RUNX2: variants seen among roughly 807,000 people sequenced by gnomAD.
RUNX2 encodes the protein RUNX family transcription factor 2, also known as runt-related transcription factor 2.
RUNX2 carries 10 observed loss-of-function variants against 51.7 expected under a neutral mutation model. The observed-to-expected ratio is 0.19, with a 90% CI of 0.12 to 0.33. The LOEUF (loss-of-function observed/expected upper bound fraction) is 0.33, where lower values mean the gene tolerates loss of function less well. Among genes scored for constraint, RUNX2 ranks in the 10% least tolerant of loss-of-function variants. The probability of loss-of-function intolerance (pLI) is 1.00; values close to 1 mark genes in which losing one functional copy is unlikely to be tolerated. For missense variants in RUNX2, 562 were observed against 691.3 expected (o/e 0.81, Z 2.10); for synonymous variants, 276 against 273.6 (o/e 1.01, Z -0.09).
In RUNX2 at chr6:45,491,019, A is replaced by G. The variant is rs1237619942; in HGVS notation, c.686-922A>G. On this transcript the variant is annotated intron_variant, in intron 5 of 8. Coordinates refer to ENST00000647337, the MANE Select transcript of RUNX2 (RefSeq NM_001024630.4). ...GTTATACTTGCACCAAGACACTAGT[A>G]TGTCTTTTGTTAAGAATGATTTGAT... Among the ~76,000 whole-genome samples the G allele has an allele frequency of 2.0e-5, 3 of 152,186 alleles. No homozygotes were observed. The East Asian group carries it at 5.8e-4, about 29-fold the overall frequency.
chr6:45,412,038 G>A (rs1317099493), intron 2 of RUNX2, among the ~76,000 whole-genome samples: 2 of 152,036 alleles, frequency 1.3e-5, no homozygotes, highest in Non-Finnish European at 2.9e-5. Flanking sequence ...TAAATGTTGA[G>A]GTAAAAATCC....
At chr6:45,387,110 G>T (rs921088343) in intron 2 of RUNX2, among the ~76,000 whole-genome samples, 1 of 152,136 alleles carries the variant, frequency 6.6e-6, no homozygotes, top group Non-Finnish European at 1.5e-5. Flanking sequence ...TTGGGTACTC[G>T]TAAGACATGA....
chr6:45,496,109 T>A (rs550386854), intron 6 of RUNX2, among the ~76,000 whole-genome samples: 1 of 152,256 alleles, frequency 6.6e-6, no homozygotes, highest in Non-Finnish European at 1.5e-5. Flanking sequence ...AATGTTCACT[T>A]CTTTTGATTC....
intron 5 of RUNX2, among the ~76,000 whole-genome samples, chr6:45,466,002 A>C (rs924323164): frequency 6.6e-6 from 1 of 152,066 alleles, no homozygotes; most frequent in African/African-American, 2.4e-5. Context: ...CAGTAGCTCT[A>C]ATCTTGAGAT....
chr6:45,382,557 G>A (rs1449642477), intron 2 of RUNX2, among the ~76,000 whole-genome samples: 1 of 152,202 alleles, frequency 6.6e-6, no homozygotes, highest in African/African-American at 2.4e-5. Context: ...AGAACAACTT[G>A]TGCAAACCGT....
chr6:45,444,725 T>C (rs1798942818), intron 5 of RUNX2, among the ~76,000 whole-genome samples: 1 of 152,232 alleles, frequency 6.6e-6, no homozygotes. Context: ...CATGTCCAAT[T>C]GCAGAAGTTT....
intron 2 of RUNX2, among the ~76,000 whole-genome samples, chr6:45,376,476 CTT>C (rs1169026439): frequency 6.6e-6 from 1 of 152,182 alleles, no homozygotes; most frequent in African/African-American, 2.4e-5. Flanking sequence ...CTCAGTGACA[CTT>C]ATCACATTTC....
intron 2 of RUNX2, among the ~76,000 whole-genome samples, chr6:45,332,016 A>G (rs1787616042): frequency 6.6e-6 from 1 of 151,922 alleles, no homozygotes; most frequent in African/African-American, 2.4e-5. Flanking sequence ...TATCAAACAC[A>G]CAGAATTAAT....
In RUNX2 at chr6:45,409,858, T is replaced by C. The variant is rs537017740; in HGVS notation, c.59-12735T>C. On this transcript the variant is annotated intron_variant, in intron 2 of 8. Coordinates refer to ENST00000647337, the MANE Select transcript of RUNX2 (RefSeq NM_001024630.4). ...AAAAGATGACTAAGACTAATCCCTGTTCTCAAGGAACTTACACTCTATATG... is the reference window on the plus strand; with the variant it reads ...AAAAGATGACTAAGACTAATCCCTGCTCTCAAGGAACTTACACTCTATATG... 7.9e-5 allele frequency among the ~76,000 whole-genome samples: 12 copies of C among 152,332 alleles called. No individual in the cohort carries two copies. In the South Asian group the frequency reaches 2.1e-3, roughly 26 times the overall value.
chr6:45,422,624 C>A lies in RUNX2; in HGVS notation c.90C>A (p.Pro30=), dbSNP rs930435617. The change falls in exon 3 of 9, where the codon CCC becomes CCA. Residue 30 remains proline (P), a synonymous_variant. Transcript: ENST00000647337. Reference sequence around the variant, plus strand: ...GCACCAGCCGGCGCTTCAGCCCCCCCTCCAGCAGCCTGCAGCCCGGCAAAA... The same window carrying A: ...GCACCAGCCGGCGCTTCAGCCCCCCATCCAGCAGCCTGCAGCCCGGCAAAA... ...DPSTSRRFSP[P]SSSLQPGKMS... is the part of the protein sequence containing the mutation. The A allele has an allele frequency of 3.1e-6, 5 of 1,606,980 alleles. No homozygotes were observed. In the African/African-American group the frequency reaches 4.0e-5, roughly 13 times the overall value.
chr6:45,533,304 T>C (rs1415218631), intron 7 of RUNX2, among the ~76,000 whole-genome samples: 1 of 152,238 alleles, frequency 6.6e-6, no homozygotes. Flanking sequence ...GCCAAATGCT[T>C]AACAATCTGT....
In RUNX2 at chr6:45,334,284, T is replaced by C. The variant is rs370149917; in HGVS notation, c.58+5500T>C. 5.3e-5 allele frequency among the ~76,000 whole-genome samples: 8 copies of C among 151,236 alleles called. No individual in the cohort carries two copies. The South Asian group carries it at 1.2e-3, about 24-fold the overall frequency. On this transcript the variant is annotated intron_variant, in intron 2 of 8. Transcript: ENST00000647337. Reference sequence around the variant, plus strand: ...AATGATGTCTACCAGAATCATTATATACCATCAACTATAAACATATATTTA... The same window carrying C: ...AATGATGTCTACCAGAATCATTATACACCATCAACTATAAACATATATTTA...
intron 2 of RUNX2, among the ~76,000 whole-genome samples, chr6:45,400,217 GGGAAGGAA>G (rs144270047): frequency 1.4e-5 from 2 of 145,880 alleles, no homozygotes; most frequent in East Asian, 2.1e-4. Flanking sequence ...GAGGGAATGA[GGGAAGGAA>G]GGAAGGAAGG....
At chr6:45,422,293 G>T (rs931658213) in intron 2 of RUNX2, 134 of 336,216 alleles carry the variant, frequency 4.0e-4, no homozygotes, top group African/African-American at 2.2e-3. Flanking sequence ...CCCCGCGCCC[G>T]TTCGCAGCTG....
chr6:45,338,446 T>G (rs1789069946), intron 2 of RUNX2, among the ~76,000 whole-genome samples: 1 of 152,050 alleles, frequency 6.6e-6, no homozygotes, highest in African/African-American at 2.4e-5. Flanking sequence ...TGATCACATA[T>G]AAGCTTATAT....
chr6:45,344,334 C>T (rs529107476), intron 2 of RUNX2, among the ~76,000 whole-genome samples: 27 of 152,266 alleles, frequency 1.8e-4, no homozygotes, highest in Middle Eastern at 6.8e-3. Flanking sequence ...TGTCTGTATA[C>T]TTATTTTTGC....
intron 4 of RUNX2, among the ~76,000 whole-genome samples, chr6:45,436,324 G>A (rs896443999): frequency 6.6e-6 from 1 of 151,504 alleles, no homozygotes; most frequent in South Asian, 2.1e-4. Context: ...ATTAATTTTA[G>A]GGTCTGAAAA....
intron 7 of RUNX2, among the ~76,000 whole-genome samples, chr6:45,518,253 G>A (rs1305883168): frequency 6.6e-6 from 1 of 151,402 alleles, no homozygotes; most frequent in African/African-American, 2.4e-5. Context: ...GAGTGGGGAA[G>A]TTATTAAATT....
At chr6:45,510,104 T>C (rs1309827354) in intron 6 of RUNX2, among the ~76,000 whole-genome samples, 1 of 152,208 alleles carries the variant, frequency 6.6e-6, no homozygotes, top group Non-Finnish European at 1.5e-5. Context: ...ATTACATTAA[T>C]GGTGTAAGGC....
Sources: gnomAD v4.1 joint callset for allele counts (sites outside exome capture counted in the v4.1 genomes callset) on GRCh38, gnomAD v4.1.1 for gene constraint, MANE v1.5 for transcripts, NCBI Gene and HGNC (gene_info 2026-07-23, HGNC 2026-07-21) for gene names.